ADGRB1: variants seen among roughly 807,000 people sequenced by gnomAD.
ADGRB1 encodes brain-specific angiogenesis inhibitor 1.
A neutral mutation model predicts 175.7 loss-of-function variants in ADGRB1; 36 were observed. The observed-to-expected ratio is 0.20, with a 90% CI of 0.16 to 0.27. The LOEUF (loss-of-function observed/expected upper bound fraction) is 0.27, where lower values mean the gene tolerates loss of function less well. Among genes scored for constraint, ADGRB1 ranks in the 10% least tolerant of loss-of-function variants. ADGRB1 has a pLI of 1.00. For missense variants in ADGRB1, 1,731 were observed against 2,255.3 expected (o/e 0.77, Z 4.71); for synonymous variants, 1,054 against 979.4 (o/e 1.08, Z -1.42).
chr8:142,488,947 C>A, intron 14 of ADGRB1, 88 bp from the exon 15 acceptor site: 2 of 1,462,790 alleles, frequency 1.4e-6, no homozygotes, highest in South Asian at 2.4e-5. Flanking sequence ...CGGCAGATGC[C>A]AGTGACAGCG....
At chr8:142,451,847 C>G (rs1175178544) in intron 1 of ADGRB1, among the ~76,000 whole-genome samples, 1 of 152,180 alleles carries the variant, frequency 6.6e-6, no homozygotes. Flanking sequence ...GCGACCCCGG[C>G]TGCCGAGGAG....
At chr8:142,508,900 T>A (rs1048036881) in intron 17 of ADGRB1, among the ~76,000 whole-genome samples, 2 of 152,122 alleles carry the variant, frequency 1.3e-5, no homozygotes, top group East Asian at 3.9e-4. Flanking sequence ...CTTCCCAGGG[T>A]CACAGAGCCC....
At position 142,481,637 on chromosome 8, in the gene ADGRB1, A is replaced by G; in HGVS notation, c.2056A>G (p.Thr686Ala). The change falls in exon 11 of 31, where the codon ACC becomes GCC. Residue 686 changes from threonine (T) to alanine (A), a missense_variant. By Grantham distance (58) the Thr-to-Ala change is moderately conservative. Transcript: ENST00000517894. Reference sequence around the variant, plus strand: ...CAGCTACAGTGGGGACCTGCTGTCCACCATCGATGTCCTGAGGAACATGAC... The same window carrying G: ...CAGCTACAGTGGGGACCTGCTGTCCGCCATCGATGTCCTGAGGAACATGAC... ...GTSYSGDLLS[T>A]IDVLRNMTEI... 1 of 1,607,524 alleles carries G rather than the reference A, an allele frequency of 6.2e-7. No individual in the cohort carries two copies. Among genetic ancestry groups the G allele is most frequent in the Non-Finnish European group, 8.5e-7 (1 of 1,176,942 alleles).
rs1321224382 is a variant in ADGRB1 at position 142,537,306 on chromosome 8, A to T, written c.3666+224A>T. Among the ~76,000 whole-genome samples, 4 of 152,008 alleles carry T rather than the reference A, an allele frequency of 2.6e-5. No homozygotes were observed. The highest frequency in any genetic ancestry group is 7.3e-5 in the African/African-American group (3 of 41,360). On this transcript the variant is annotated intron_variant, in intron 26 of 30. Transcript: ENST00000517894. The surrounding 1 kb of genome is among the most constrained non-coding windows in gnomAD (Gnocchi z 4.6). The stretch of plus-strand genomic sequence containing the variant: ...CTGAGCTGATGAGTTTGGAGGTCTC[A>T]GCGGAGGCTGGCATCCACCCCACAC...
chr8:142,527,871 G>A (rs1164737844), intron 24 of ADGRB1, among the ~76,000 whole-genome samples: 2 of 152,230 alleles, frequency 1.3e-5, no homozygotes, highest in Admixed American at 1.3e-4. Context: ...AGAAATGGAG[G>A]TTTAGGGAGG....
intron 13 of ADGRB1, among the ~76,000 whole-genome samples, chr8:142,487,891 C>A (rs949264131): frequency 2.0e-5 from 3 of 152,218 alleles, no homozygotes; most frequent in Admixed American, 6.5e-5. Flanking sequence ...GGCAGGGCAG[C>A]CCCCATCCCC....
chr8:142,522,674 G>T lies in ADGRB1; in HGVS notation c.3209G>T (p.Gly1070Val). Residue 1070 changes from glycine (G) to valine (V), a missense_variant, in exon 22 of 31, where the codon GGA becomes GTA. Transcript: ENST00000517894. ...GCACTGGTTGTGGCCATTTCTGTGG[G>T]ATTCACCAAGGCCAAAGGGTACAGC... ...LPALVVAISV[G>V]FTKAKGYSTM... 6.4e-7 allele frequency: 1 copy of T among 1,562,986 alleles called. No homozygotes were observed. Among genetic ancestry groups the T allele is most frequent in the Non-Finnish European group, 8.7e-7 (1 of 1,155,464 alleles).
In ADGRB1 at chr8:142,542,361, G is replaced by T; in HGVS notation, c.4127G>T (p.Arg1376Leu). 6.3e-7 allele frequency: 1 copy of T among 1,596,458 alleles called. No individual in the cohort carries two copies. The highest frequency in any genetic ancestry group is 8.5e-7 in the Non-Finnish European group (1 of 1,172,522). ...CACATTGACCAGATGCCGCAGACCCGCCTCATCCACCTCAGCACGGCCCCC... is the reference window on the plus strand; with the variant it reads ...CACATTGACCAGATGCCGCAGACCCTCCTCATCCACCTCAGCACGGCCCCC... ...SIHIDQMPQT[R>L]LIHLSTAPEA... The change falls in exon 28 of 31, where the codon CGC becomes CTC. Residue 1376 changes from arginine to leucine, a missense_variant. Transcript: ENST00000517894. This position sits in a 1 kb window ranked among gnomAD's most constrained non-coding sequence, Gnocchi z 6.3.
At chr8:142,528,781 T>TC (rs376595240) in intron 24 of ADGRB1, among the ~76,000 whole-genome samples, 3 of 152,024 alleles carry the variant, frequency 2.0e-5, no homozygotes, top group African/African-American at 7.2e-5. Flanking sequence ...GCCACTCCCG[T>TC]CCCCCCGATC....
At position 142,537,176 on chromosome 8, in the gene ADGRB1, G is replaced by C. The variant is rs533181853; in HGVS notation, c.3666+94G>C. The C allele has an allele frequency of 7.2e-5, 73 of 1,020,564 alleles. 1 individual carries two copies. In the Middle Eastern group the frequency reaches 1.6e-3, roughly 22 times the overall value. The allele number at this position is 1,020,564 out of a possible 1,614,324, so 63.2% of individuals were successfully genotyped here. A position where few individuals can be genotyped will look rare whatever the true frequency, so the allele number is the denominator to read the frequency against. On this transcript the variant is annotated intron_variant, in intron 26 of 30. Coordinates refer to ENST00000517894, the MANE Select transcript of ADGRB1 (RefSeq NM_001702.3). This position sits in a 1 kb window ranked among gnomAD's most constrained non-coding sequence, Gnocchi z 4.6. Reference sequence around the variant, plus strand: ...CCTCACCGTGCCCCAAGCTCCCCTAGGCCCCAGCAACCCTGCTGAGAGGAG... The same window carrying C: ...CCTCACCGTGCCCCAAGCTCCCCTACGCCCCAGCAACCCTGCTGAGAGGAG...
At chr8:142,522,527 G>C in intron 21 of ADGRB1, 114 bp from the exon 22 acceptor site, 1 of 1,037,938 alleles carries the variant, frequency 9.6e-7, no homozygotes, top group South Asian at 1.6e-5. Flanking sequence ...ATCCTCTGTT[G>C]GGGGCTTCAG....
At chr8:142,490,571 G>C (rs1841934170) in intron 16 of ADGRB1, among the ~76,000 whole-genome samples, 1 of 152,242 alleles carries the variant, frequency 6.6e-6, no homozygotes, top group South Asian at 2.1e-4. Context: ...GGTGGTGGGG[G>C]CTTGTGCCAA....
intron 17 of ADGRB1, among the ~76,000 whole-genome samples, chr8:142,496,701 G>A (rs1293021021): frequency 2.0e-5 from 3 of 152,196 alleles, no homozygotes; most frequent in East Asian, 1.9e-4. Context: ...TACTCGAAGC[G>A]TGGTTCAGTG....
Position 142,493,104 on chromosome 8 carries a change from C to G in ADGRB1, c.2675+2289C>G, listed in dbSNP as rs550359400. ...CCCTGGGGATCAGTCCCCAGGCAGT[C>G]TTGTCAGGTGGAGGGTGTGGGCCCC... On this transcript the variant is annotated intron_variant, in intron 17 of 30. Coordinates refer to ENST00000517894, the MANE Select transcript of ADGRB1 (RefSeq NM_001702.3). This position sits in a 1 kb window ranked among gnomAD's most constrained non-coding sequence, Gnocchi z 5.0. Among the ~76,000 whole-genome samples the G allele has an allele frequency of 1.3e-5, 2 of 152,052 alleles. No individual in the cohort carries two copies. Among genetic ancestry groups the G allele is most frequent in the South Asian group, 4.2e-4 (2 of 4,808 alleles).
chr8:142,468,373 C>T (rs907001331), intron 2 of ADGRB1, among the ~76,000 whole-genome samples: 12 of 152,136 alleles, frequency 7.9e-5, no homozygotes, highest in East Asian at 5.8e-4. Flanking sequence ...TGTGGAAAGA[C>T]GGCTAGAGGG....
intron 1 of ADGRB1, among the ~76,000 whole-genome samples, chr8:142,451,953 G>A (rs982534035): frequency 6.6e-5 from 10 of 152,292 alleles, no homozygotes; most frequent in Admixed American, 2.6e-4. Context: ...TGAGTACCCA[G>A]CAAGGTCAAG....
At position 142,476,679 on chromosome 8, in the gene ADGRB1, C is replaced by T; in HGVS notation, c.1041C>T (p.Phe347=). The part of the protein sequence containing the change: ...ELGDELQQFG[F]PAPQTGDPAA... ...GGGACGAGCTGCAGCAGTTTGGGTTCCCAGCCCCCCAGACCGGTGAGCTGG... is the reference window on the plus strand; with the variant it reads ...GGGACGAGCTGCAGCAGTTTGGGTTTCCAGCCCCCCAGACCGGTGAGCTGG... Residue 347 remains phenylalanine (F), a synonymous_variant, in exon 4 of 31, where the codon TTC becomes TTT. Coordinates refer to ENST00000517894, the MANE Select transcript of ADGRB1 (RefSeq NM_001702.3). 6.5e-7 allele frequency: 1 copy of T among 1,546,562 alleles called. No individual in the cohort carries two copies. Among genetic ancestry groups the T allele is most frequent in the South Asian group, 1.2e-5 (1 of 83,894 alleles).
intron 17 of ADGRB1, among the ~76,000 whole-genome samples, chr8:142,491,177 G>T (rs1215919320): frequency 6.6e-6 from 1 of 152,266 alleles, no homozygotes; most frequent in Non-Finnish European, 1.5e-5. Context: ...AGGCACTGAG[G>T]GGCTGCGAAA....
At chr8:142,454,559 T>A (rs1839548304) in intron 1 of ADGRB1, among the ~76,000 whole-genome samples, 1 of 152,150 alleles carries the variant, frequency 6.6e-6, no homozygotes, top group African/African-American at 2.4e-5. Flanking sequence ...TGGATGTTCA[T>A]GTCCAGGGAT....
Sources: allele counts gnomAD v4.1 joint callset (sites outside exome capture counted in the v4.1 genomes callset), GRCh38; gene constraint gnomAD v4.1.1; non-coding constraint Gnocchi (gnomAD v3.1); transcripts MANE v1.5; gene names NCBI Gene and HGNC (gene_info 2026-07-23, HGNC 2026-07-21).